LSAMP: variants seen among roughly 807,000 people sequenced by gnomAD.
LSAMP encodes the protein limbic system associated membrane protein, also known as limbic system-associated membrane protein.
Under a neutral mutation model 38.6 loss-of-function variants are expected in LSAMP, and 7 were observed. The ratio of observed to expected loss-of-function variants is 0.18; its 90% CI spans 0.10 to 0.34. LSAMP has a LOEUF of 0.34. Among genes scored for constraint, LSAMP ranks in the 10% least tolerant of loss-of-function variants. The pLI is 1.00. For synonymous variants in LSAMP, 154 were observed against 166.8 expected (o/e 0.92, Z 0.59); for missense variants, 313 against 420.0 (o/e 0.75, Z 2.23).
intron 1 of LSAMP, among the ~76,000 whole-genome samples, chr3:116,345,842 C>G (rs1358496157): frequency 6.6e-6 from 1 of 151,962 alleles, no homozygotes; most frequent in East Asian, 1.9e-4. Context: ...TAAAACAAAA[C>G]AAGACAAAAC....
At position 116,248,477 on chromosome 3, in the gene LSAMP, A is replaced by ATGTGTGTG. The variant is rs3028670; in HGVS notation, c.156-161929_156-161922dup. Among the ~76,000 whole-genome samples the ATGTGTGTG allele has an allele frequency of 5.3e-3, 746 of 140,994 alleles. 8 individuals are homozygous for ATGTGTGTG. The highest frequency in any genetic ancestry group is 0.018 in the African/African-American group (636 of 35,812). The allele number at this position is 140,994 out of a possible 152,430, so 92.5% of individuals were successfully genotyped here. On this transcript the variant is annotated intron_variant, in intron 1 of 6. Coordinates refer to ENST00000490035, the MANE Select transcript of LSAMP (RefSeq NM_002338.5). ...GCAATATAGTAAGACCCTGTCTCTA[A>ATGTGTGTG]TGTGTGTGTGTGTGTGTGTGTGTGT...
intron 1 of LSAMP, among the ~76,000 whole-genome samples, chr3:116,384,328 T>C (rs2048598964): frequency 1.3e-5 from 2 of 152,140 alleles, no homozygotes; most frequent in Non-Finnish European, 2.9e-5. Flanking sequence ...CTTTGGCTTC[T>C]GAAATCAGTA....
At position 116,279,524 on chromosome 3, in the gene LSAMP, A is replaced by G. The variant is rs541818459; in HGVS notation, c.155+165353T>C. 3.9e-5 allele frequency among the ~76,000 whole-genome samples: 6 copies of G among 152,302 alleles called. No homozygotes were observed. In the South Asian group the frequency reaches 1.2e-3, roughly 32 times the overall value. On this transcript the variant is annotated intron_variant, in intron 1 of 6. Coordinates refer to ENST00000490035, the MANE Select transcript of LSAMP (RefSeq NM_002338.5). The stretch of plus-strand genomic sequence containing the variant: ...TCTACTCTCATGTGAAAGATTCTCT[A>G]CACTGATTTTTGCTTGTGCTAGTCT...
At chr3:115,941,271 A>G (rs2107559589) in intron 3 of LSAMP, among the ~76,000 whole-genome samples, 1 of 152,308 alleles carries the variant, frequency 6.6e-6, no homozygotes, top group South Asian at 2.1e-4. Flanking sequence ...GGTATCCTCA[A>G]AAAAACAGTA....
chr3:116,048,011 C>T (rs762451718), intron 2 of LSAMP, among the ~76,000 whole-genome samples: 4 of 152,142 alleles, frequency 2.6e-5, no homozygotes, highest in Non-Finnish European at 5.9e-5. Context: ...GCACCTTTAC[C>T]GTTTGATGGC....
chr3:115,928,946 A>G (rs1028442424), intron 3 of LSAMP, among the ~76,000 whole-genome samples: 19 of 136,104 alleles, frequency 1.4e-4, no homozygotes, highest in African/African-American at 5.2e-4. Context: ...TATGTGACTT[A>G]TGGCTTATCA....
chr3:116,279,034 A>C (rs2047091980), intron 1 of LSAMP, among the ~76,000 whole-genome samples: 2 of 152,168 alleles, frequency 1.3e-5, no homozygotes, highest in East Asian at 1.9e-4. Context: ...CTGTAGGAGA[A>C]TTTTCATTAA....
chr3:116,216,450 A>AT, intron 1 of LSAMP, among the ~76,000 whole-genome samples: 1 of 152,016 alleles, frequency 6.6e-6, no homozygotes. Flanking sequence ...AAATTAGTCT[A>AT]TTTTTCCTGA....
intron 1 of LSAMP, among the ~76,000 whole-genome samples, chr3:116,383,117 T>C (rs1032073291): frequency 6.6e-6 from 1 of 152,168 alleles, no homozygotes; most frequent in African/African-American, 2.4e-5. Context: ...TGGTAATTTA[T>C]TATTGAAGAG....
At chr3:115,885,374 G>C (rs1019700828) in intron 3 of LSAMP, among the ~76,000 whole-genome samples, 87 of 152,062 alleles carry the variant, frequency 5.7e-4, no homozygotes, top group African/African-American at 2.1e-3. Context: ...GGTTCATTAT[G>C]ATTATGAGAT....
At chr3:116,005,890 C>G (rs976659215) in intron 3 of LSAMP, among the ~76,000 whole-genome samples, 2 of 152,078 alleles carry the variant, frequency 1.3e-5, no homozygotes, top group East Asian at 3.9e-4. Flanking sequence ...AATAGGGTGG[C>G]AGTACTGGTT....
chr3:116,069,866 C>G (rs9289042), intron 2 of LSAMP, among the ~76,000 whole-genome samples: 27,303 of 151,908 alleles, frequency 0.18, 2,855 homozygotes, highest in African/African-American at 0.29. Flanking sequence ...TAAAGGGAAA[C>G]GCTGGCAATG....
rs566672858 is a variant in LSAMP, at chr3:116,243,216, G to A, written c.156-156660C>T. On this transcript the variant is annotated intron_variant, in intron 1 of 6. Transcript: ENST00000490035. ...AGCAGTTGCCCAAGATATCAACTGA[G>A]GCAAAAAGGACAGAGAGAAATATTC... 1.1e-4 allele frequency among the ~76,000 whole-genome samples: 17 copies of A among 152,242 alleles called. 1 individual carries two copies. The East Asian group carries it at 3.1e-3, about 28-fold the overall frequency.
chr3:116,378,346 C>G (rs2048517932), intron 1 of LSAMP, among the ~76,000 whole-genome samples: 1 of 151,998 alleles, frequency 6.6e-6, no homozygotes, highest in Admixed American at 6.6e-5. Context: ...TTTTGCAACC[C>G]ATATGGACAA....
At chr3:116,216,604 T>C (rs913710240) in intron 1 of LSAMP, among the ~76,000 whole-genome samples, 1 of 148,082 alleles carries the variant, frequency 6.8e-6, no homozygotes, top group South Asian at 2.2e-4. Context: ...ATGAAGTGAA[T>C]AGGAAGTGGG....
chr3:116,163,206 C>T (rs1227410480), intron 1 of LSAMP, among the ~76,000 whole-genome samples: 1 of 143,764 alleles, frequency 7.0e-6, no homozygotes, highest in African/African-American at 2.6e-5. Context: ...GGTATATCTC[C>T]TAATGCTATC....
At position 115,954,887 on chromosome 3, in the gene LSAMP, G is replaced by A. The variant is rs1938403333; in HGVS notation, c.514+64628C>T. Among the ~76,000 whole-genome samples, 3 of 151,964 alleles carry A rather than the reference G, an allele frequency of 2.0e-5. No individual in the cohort carries two copies. In the South Asian group the frequency reaches 6.2e-4, roughly 32 times the overall value. ...CTTAGTCTTTGGTAATTTTTGCCAG[G>A]CTTTCTGTGCTTGAATTTGACACCA... On this transcript the variant is annotated intron_variant, in intron 3 of 6. Coordinates refer to ENST00000490035, the MANE Select transcript of LSAMP (RefSeq NM_002338.5).
At chr3:115,832,148 T>C (rs1332707968) in intron 6 of LSAMP, among the ~76,000 whole-genome samples, 1 of 152,046 alleles carries the variant, frequency 6.6e-6, no homozygotes, top group East Asian at 1.9e-4. Context: ...GGAGGGAAGA[T>C]CCTCCAATGA....
chr3:116,118,075 T>G (rs982815047), intron 1 of LSAMP, among the ~76,000 whole-genome samples: 1 of 152,132 alleles, frequency 6.6e-6, no homozygotes, highest in Non-Finnish European at 1.5e-5. Context: ...AGATTGGGTG[T>G]GGGTAGGGTC....
Sources: allele counts gnomAD v4.1 joint callset (sites outside exome capture counted in the v4.1 genomes callset), GRCh38; gene constraint gnomAD v4.1.1; transcripts MANE v1.5; gene names NCBI Gene and HGNC (gene_info 2026-07-23, HGNC 2026-07-21).